APP: variants seen among roughly 807,000 people sequenced by gnomAD.
The protein encoded by APP is amyloid beta precursor protein.
In APP, 31 loss-of-function variants were observed where a neutral mutation model predicts 101.4. The ratio of observed to expected loss-of-function variants is 0.31; its 90% CI spans 0.23 to 0.41. The LOEUF is 0.41. APP is among the 10% of genes least tolerant of loss of function. The probability of loss-of-function intolerance (pLI) is 1.00; values close to 1 mark genes in which losing one functional copy is unlikely to be tolerated. For missense variants in APP, 839 were observed against 1,003.7 expected (o/e 0.84, Z 2.22); for synonymous variants, 366 against 364.4 (o/e 1.00, Z -0.05).
chr21:25,996,433 T>C (rs1397178925), intron 8 of APP, among the ~76,000 whole-genome samples: 2 of 152,176 alleles, frequency 1.3e-5, no homozygotes, highest in African/African-American at 2.4e-5. Context: ...AAGTACTTTT[T>C]CTGAGGAAAC....
chr21:25,899,005 C>T (rs1003068116), intron 15 of APP, among the ~76,000 whole-genome samples: 1 of 152,182 alleles, frequency 6.6e-6, no homozygotes, highest in African/African-American at 2.4e-5. Flanking sequence ...CTGACAAAAC[C>T]TAGGAAATCC....
intron 17 of APP, among the ~76,000 whole-genome samples, chr21:25,884,190 T>TA (rs2037174592): frequency 6.6e-6 from 1 of 152,214 alleles, no homozygotes; most frequent in African/African-American, 2.4e-5. Context: ...CCCCGATTCT[T>TA]ACGTTTCCAT....
intron 6 of APP, among the ~76,000 whole-genome samples, chr21:26,011,406 C>G (rs2043801471): frequency 1.3e-5 from 2 of 152,074 alleles, no homozygotes; most frequent in African/African-American, 4.8e-5. Flanking sequence ...CTGCTCATCA[C>G]TGCAGATCTC....
chr21:26,084,930 T>G (rs1054094113), intron 3 of APP, among the ~76,000 whole-genome samples: 1 of 152,262 alleles, frequency 6.6e-6, no homozygotes, highest in Non-Finnish European at 1.5e-5. Flanking sequence ...TCAAGTCTTT[T>G]GACTTTTTTC....
At chr21:26,161,322 C>T (rs1043657122) in intron 1 of APP, among the ~76,000 whole-genome samples, 4 of 152,202 alleles carry the variant, frequency 2.6e-5, no homozygotes, top group African/African-American at 9.7e-5. Flanking sequence ...TTTACCTTCA[C>T]ATACTGAAAT....
At chr21:26,034,356 T>A (rs1224856929) in intron 5 of APP, among the ~76,000 whole-genome samples, 1 of 152,114 alleles carries the variant, frequency 6.6e-6, no homozygotes, top group East Asian at 1.9e-4. Flanking sequence ...AAAAGAAATC[T>A]ACTATCGGCC....
At chr21:25,946,881 A>C (rs1039478213) in intron 13 of APP, among the ~76,000 whole-genome samples, 4 of 152,162 alleles carry the variant, frequency 2.6e-5, no homozygotes, top group Admixed American at 6.5e-5. Flanking sequence ...ACAATAAACA[A>C]GATCAATATA....
intron 13 of APP, among the ~76,000 whole-genome samples, chr21:25,951,929 A>G (rs1270760009): frequency 6.6e-6 from 1 of 152,188 alleles, no homozygotes; most frequent in East Asian, 1.9e-4. Context: ...ACTAGGTTCA[A>G]CCCAGAAAAG....
intron 14 of APP, among the ~76,000 whole-genome samples, chr21:25,909,266 C>CAAA (rs35504500): frequency 1.3e-4 from 10 of 76,152 alleles, no homozygotes; most frequent in African/African-American, 2.2e-4. Flanking sequence ...GACTCCGTCT[C>CAAA]AAAAAAAAAA....
At chr21:26,149,140 T>A (rs1236243727) in intron 1 of APP, among the ~76,000 whole-genome samples, 3 of 152,196 alleles carry the variant, frequency 2.0e-5, no homozygotes, top group African/African-American at 7.2e-5. Flanking sequence ...ATCTTACCAA[T>A]CAATTGCATT....
intron 6 of APP, among the ~76,000 whole-genome samples, chr21:26,001,522 T>C (rs1317033422): frequency 6.6e-6 from 1 of 152,254 alleles, no homozygotes; most frequent in Non-Finnish European, 1.5e-5. Flanking sequence ...TCTTTTTTTC[T>C]TTTTATGAGA....
intron 5 of APP, among the ~76,000 whole-genome samples, chr21:26,023,117 A>C (rs1224955272): frequency 1.3e-5 from 2 of 152,228 alleles, no homozygotes; most frequent in East Asian, 3.9e-4. Context: ...GCCTGCTGGA[A>C]CTATTTAGTT....
intron 4 of APP, among the ~76,000 whole-genome samples, chr21:26,052,608 G>C (rs944943140): frequency 1.3e-5 from 2 of 152,140 alleles, no homozygotes; most frequent in African/African-American, 4.8e-5. Context: ...CCAAGTGCTC[G>C]GTCAGACTCA....
At chr21:25,924,597 C>T (rs1347095980) in intron 13 of APP, among the ~76,000 whole-genome samples, 1 of 151,676 alleles carries the variant, frequency 6.6e-6, no homozygotes, top group African/African-American at 2.4e-5. Context: ...GGACATCATA[C>T]ACCAGGGCCT....
chr21:26,026,947 G>A (rs1363357589), intron 5 of APP, among the ~76,000 whole-genome samples: 3 of 152,192 alleles, frequency 2.0e-5, no homozygotes, highest in East Asian at 3.8e-4. Context: ...GTATGAACAG[G>A]GAGTATATGG....
intron 14 of APP, among the ~76,000 whole-genome samples, chr21:25,906,398 C>G (rs962844033): frequency 2.0e-5 from 3 of 152,100 alleles, no homozygotes; most frequent in African/African-American, 7.2e-5. Flanking sequence ...GTGGCTGTTT[C>G]TCCATATGGA....
intron 17 of APP, among the ~76,000 whole-genome samples, chr21:25,888,105 C>G (rs572420568): frequency 3.9e-5 from 6 of 152,144 alleles, no homozygotes; most frequent in Non-Finnish European, 7.3e-5. Flanking sequence ...GTATTCTGTC[C>G]TGAGTGACTG....
intron 3 of APP, among the ~76,000 whole-genome samples, chr21:26,073,904 A>T (rs2061453450): frequency 6.6e-6 from 1 of 152,208 alleles, no homozygotes; most frequent in Non-Finnish European, 1.5e-5. Context: ...ATTCATGTTA[A>T]ATATGCTTGG....
intron 13 of APP, chr21:25,934,957 G>A (rs2040301124): frequency 6.6e-6 from 1 of 152,192 alleles, no homozygotes; most frequent in Non-Finnish European, 1.5e-5. Flanking sequence ...CTTATCCTGA[G>A]AAGATCATGG....
Sources: allele counts gnomAD v4.1 joint callset (sites outside exome capture counted in the v4.1 genomes callset), GRCh38; gene constraint gnomAD v4.1.1; transcripts MANE v1.5; gene names NCBI Gene and HGNC (gene_info 2026-07-23, HGNC 2026-07-21).